The following COL5A1 variants were observed in gnomAD, a reference collection of about 807,000 sequenced individuals.
COL5A1 encodes collagen alpha-1(V) chain.
COL5A1 carries 16 observed loss-of-function variants against 263.7 expected under a neutral mutation model. That is an observed-to-expected ratio of 0.06 (90% CI 0.04 to 0.09). The LOEUF (loss-of-function observed/expected upper bound fraction) is 0.09, where lower values mean the gene tolerates loss of function less well. Among genes scored for constraint, COL5A1 ranks in the 10% least tolerant of loss-of-function variants. The probability of loss-of-function intolerance (pLI) is 1.00; values close to 1 mark genes in which losing one functional copy is unlikely to be tolerated. For missense variants in COL5A1, 2,036 were observed against 2,540.5 expected, an observed-to-expected ratio of 0.80 and a Z score of 4.27; for synonymous variants, 1,012 against 1,004.5, an observed-to-expected ratio of 1.01 and a Z score of -0.14.
chr9:134,767,221 C>T, intron 23 of COL5A1, 89 bp from the exon 24 acceptor site: 2 of 1,480,142 alleles, frequency 1.4e-6, no homozygotes, highest in Admixed American at 1.7e-5. Context: ...ATGAGGGAGA[C>T]ATCAATGAGA....
chr9:134,646,464 C>T (rs1831478287), intron 1 of COL5A1, among the ~76,000 whole-genome samples: 1 of 152,168 alleles, frequency 6.6e-6, no homozygotes, highest in Non-Finnish European at 1.5e-5. Flanking sequence ...CTCCTTCTGA[C>T]AGGACATTCC....
At chr9:134,760,437 A>ACACACAC (rs1836330279) in intron 18 of COL5A1, among the ~76,000 whole-genome samples, 14 of 107,602 alleles carry the variant, frequency 1.3e-4, no homozygotes, top group East Asian at 6.2e-4. Context: ...CCACACATGC[A>ACACACAC]CACACATGCA....
intron 24 of COL5A1, among the ~76,000 whole-genome samples, chr9:134,767,816 C>T (rs1443649660): frequency 6.6e-6 from 1 of 152,190 alleles, no homozygotes; most frequent in Non-Finnish European, 1.5e-5. Flanking sequence ...GTCGCTTAAC[C>T]AGGCACAAGA....
rs1014947485 is a variant in COL5A1 at position 134,652,576 on chromosome 9, T to C, written c.109+10280T>C. 7 of 390,570 alleles carry C rather than the reference T, an allele frequency of 1.8e-5. No individual in the cohort carries two copies. Among genetic ancestry groups the C allele is most frequent in the Non-Finnish European group, 3.3e-5 (6 of 182,150 alleles). 24.2% of individuals were successfully genotyped at this position (390,570 alleles called of 1,614,324 possible). ...TGGGGGCAGGGCTATCGGCCTGTAG[T>C]TGGGGGAGTCCGAGGATGCTGCTCT... is the stretch of plus-strand genomic sequence containing the variant. On this transcript the variant is annotated intron_variant, in intron 1 of 65. Transcript: ENST00000371817. This position sits in a 1 kb window ranked among gnomAD's most constrained non-coding sequence, Gnocchi z 4.4.
At chr9:134,701,439 G>A in intron 4 of COL5A1, 106 bp downstream of exon 4, 2 of 1,076,208 alleles carry the variant, frequency 1.9e-6, no homozygotes, top group Non-Finnish European at 1.4e-6. Flanking sequence ...CCGGCTGGCG[G>A]TCCACTGTGG....
At chr9:134,724,746 A>T (rs1042286919) in intron 4 of COL5A1, among the ~76,000 whole-genome samples, 3 of 152,182 alleles carry the variant, frequency 2.0e-5, no homozygotes, top group Non-Finnish European at 4.4e-5. Flanking sequence ...CCGCGGCTGC[A>T]GGCCAGAGTC....
At chr9:134,768,386 C>T (rs750998866) in intron 24 of COL5A1, 24 bp from the exon 25 acceptor site, 1 of 1,611,890 alleles carries the variant, frequency 6.2e-7, no homozygotes, top group South Asian at 1.1e-5. Flanking sequence ...GGCATCTCCT[C>T]ATGGAGTCTC....
rs141017814 is a variant in COL5A1, at chr9:134,775,436, A to G, written c.2385+524A>G. 5.3e-5 allele frequency among the ~76,000 whole-genome samples: 8 copies of G among 152,302 alleles called. No homozygotes were observed. The East Asian group carries it at 1.5e-3, about 29-fold the overall frequency. ...AAGGCGGAGTTCATGGGAGCTGTCC[A>G]TTTATTCACAATCATTCGTGTTTCT... On this transcript the variant is annotated intron_variant, in intron 27 of 65. Transcript: ENST00000371817.
intron 27 of COL5A1, among the ~76,000 whole-genome samples, chr9:134,776,004 C>T (rs187633447): frequency 6.6e-6 from 1 of 152,248 alleles, no homozygotes; most frequent in East Asian, 1.9e-4. Flanking sequence ...CAGTGACATG[C>T]CCCAGATTAC....
chr9:134,695,521 G>T (rs1833429153), intron 2 of COL5A1, among the ~76,000 whole-genome samples: 2 of 152,196 alleles, frequency 1.3e-5, no homozygotes, highest in African/African-American at 4.8e-5. Flanking sequence ...GAAGATGGAG[G>T]CAGCGGTGGG....
At chr9:134,760,619 A>ACC (rs1836356763) in intron 18 of COL5A1, among the ~76,000 whole-genome samples, 1 of 110,650 alleles carries the variant, frequency 9.0e-6, no homozygotes, top group Non-Finnish European at 1.8e-5. Context: ...GCACACACAC[A>ACC]CACCCACACA....
intron 1 of COL5A1, among the ~76,000 whole-genome samples, chr9:134,683,272 C>T (rs1456098915): frequency 6.6e-6 from 1 of 152,208 alleles, no homozygotes; most frequent in African/African-American, 2.4e-5. Context: ...CCTGTGTGGC[C>T]ATCCCGTCTC....
At chr9:134,684,598 G>A (rs959410790) in intron 1 of COL5A1, among the ~76,000 whole-genome samples, 3 of 152,218 alleles carry the variant, frequency 2.0e-5, no homozygotes, top group Non-Finnish European at 4.4e-5. Context: ...TGAAGTTTCA[G>A]CATCTCATGT....
chr9:134,756,723 C>CGGG, intron 16 of COL5A1, 42 bp from the exon 17 acceptor site: 1 of 1,605,062 alleles, frequency 6.2e-7, no homozygotes, highest in Admixed American at 1.7e-5. Context: ...CTCAGTGAAC[C>CGGG]GGGGCTCTTT....
intron 4 of COL5A1, among the ~76,000 whole-genome samples, chr9:134,721,200 A>C (rs1447785198): frequency 6.9e-6 from 1 of 144,482 alleles, no homozygotes. Flanking sequence ...TCCATCCAGG[A>C]CCCCCCATGA....
intron 32 of COL5A1, among the ~76,000 whole-genome samples, chr9:134,792,290 T>C (rs3124928): frequency 0.51 from 77,194 of 152,040 alleles, 19,945 homozygotes; most frequent in Admixed American, 0.56. Context: ...GGTCCCAGTG[T>C]GGGGCAGGAA....
intron 37 of COL5A1, among the ~76,000 whole-genome samples, chr9:134,799,124 C>A (rs1838022171): frequency 6.6e-6 from 1 of 152,196 alleles, no homozygotes; most frequent in African/African-American, 2.4e-5. Flanking sequence ...CAGAGACTCC[C>A]CTTTGACCTT....
intron 11 of COL5A1, among the ~76,000 whole-genome samples, chr9:134,746,620 G>C (rs546298334): frequency 6.6e-6 from 1 of 152,368 alleles, no homozygotes; most frequent in African/African-American, 2.4e-5. Context: ...TACCAGTGGT[G>C]CCTTCATTTG....
At chr9:134,796,246 C>A in intron 34 of COL5A1, 128 bp from the exon 35 acceptor site, 1 of 1,017,230 alleles carries the variant, frequency 9.8e-7, no homozygotes, top group South Asian at 1.3e-5. Context: ...TACTGAGGGT[C>A]AGGGCCACCT....
Sources: allele counts gnomAD v4.1 joint callset (sites outside exome capture counted in the v4.1 genomes callset), GRCh38; gene constraint gnomAD v4.1.1; non-coding constraint Gnocchi (gnomAD v3.1); transcripts MANE v1.5; gene names NCBI Gene and HGNC (gene_info 2026-07-23, HGNC 2026-07-21).